The following BTLA variants were observed in gnomAD, a reference collection of about 807,000 sequenced individuals.
BTLA encodes B- and T-lymphocyte attenuator.
A neutral mutation model predicts 25.0 loss-of-function variants in BTLA; 11 were observed. The observed-to-expected ratio is 0.44, with a 90% CI of 0.28 to 0.73. The LOEUF is 0.73. BTLA is among the 30% of genes least tolerant of loss of function. The pLI is 0.15. For synonymous variants in BTLA, 104 were observed against 119.8 expected, an observed-to-expected ratio of 0.87 and a Z score of 0.86; for missense variants, 282 against 332.8, an observed-to-expected ratio of 0.85 and a Z score of 1.19.
chr3:112,499,286 T>C lies in BTLA; in HGVS notation c.73A>G (p.Ile25Val), dbSNP rs746584072. 6.2e-7 allele frequency: 1 copy of C among 1,606,942 alleles called. No individual in the cohort carries two copies. Among genetic ancestry groups the C allele is most frequent in the Non-Finnish European group, 8.5e-7 (1 of 1,173,560 alleles). The change falls in exon 1 of 5, where the codon ATC (isoleucine) becomes GTC (valine). Residue 25 changes from isoleucine to valine, a missense_variant. By Grantham distance (29) the Ile-to-Val change is conservative. Transcript: ENST00000334529. ...WVFFLIPYLD[I>V]WNIHGKESCD... ...GGTGCCTTACCATGGATGTTCCAGA[T>C]GTCCAGATATGGGATTAAGAAGAAG... is the stretch of plus-strand genomic sequence containing the variant.
intron 1 of BTLA, among the ~76,000 whole-genome samples, chr3:112,498,337 G>A (rs896293953): frequency 6.6e-5 from 10 of 151,648 alleles, no homozygotes; most frequent in Admixed American, 1.3e-4. Flanking sequence ...AACCCGGGAG[G>A]AAGAAGAATC....
intron 2 of BTLA, among the ~76,000 whole-genome samples, chr3:112,472,792 C>T (rs777958629): frequency 6.6e-6 from 1 of 151,960 alleles, no homozygotes; most frequent in Non-Finnish European, 1.5e-5. Flanking sequence ...TGAAGTTGCA[C>T]AAAAAGTGGT....
chr3:112,483,900 G>A (rs2082331844), intron 1 of BTLA, among the ~76,000 whole-genome samples: 1 of 151,870 alleles, frequency 6.6e-6, no homozygotes, highest in Non-Finnish European at 1.5e-5. Context: ...CCCAGGAACT[G>A]GAGGTTCCAG....
intron 1 of BTLA, among the ~76,000 whole-genome samples, chr3:112,494,976 A>G (rs80256266): frequency 0.013 from 2,021 of 152,318 alleles, 39 homozygotes; most frequent in African/African-American, 0.046. Context: ...TTGATTCCCA[A>G]TTGTCACCCA....
In BTLA at chr3:112,469,815, A is replaced by G; in HGVS notation, c.548-11T>C. 6.2e-7 allele frequency: 1 copy of G among 1,604,718 alleles called. No homozygotes were observed. Among genetic ancestry groups the G allele is most frequent in the Non-Finnish European group, 8.5e-7 (1 of 1,176,260 alleles). ...GTTCATTTTGCTTTCCTGGAAGACA[A>G]AAAGAAAAAGAAGTAATCAAAAGGA... On this transcript the variant is annotated splice_polypyrimidine_tract_variant and intron_variant, in intron 3 of 4. Coordinates refer to ENST00000334529, the MANE Select transcript of BTLA (RefSeq NM_181780.4).
intron 1 of BTLA, among the ~76,000 whole-genome samples, chr3:112,479,985 G>A (rs1000278714): frequency 6.6e-6 from 1 of 151,602 alleles, no homozygotes; most frequent in Non-Finnish European, 1.5e-5. Context: ...CTGTCTGTCA[G>A]GCCTTTGAGC....
chr3:112,475,473 T>C (rs2082284212), intron 2 of BTLA, among the ~76,000 whole-genome samples: 1 of 152,182 alleles, frequency 6.6e-6, no homozygotes, highest in South Asian at 2.1e-4. Context: ...AATAGATAGA[T>C]TGTTGATCCT....
At chr3:112,472,231 T>C (rs1274723794) in intron 2 of BTLA, among the ~76,000 whole-genome samples, 4 of 152,172 alleles carry the variant, frequency 2.6e-5, no homozygotes, top group Non-Finnish European at 5.9e-5. Context: ...CAAAACATTA[T>C]CCAGACCAAA....
At position 112,469,902 on chromosome 3, in the gene BTLA, A is replaced by G. The variant is rs560584746; in HGVS notation, c.548-98T>C. 1.6e-4 allele frequency: 156 copies of G among 945,488 alleles called. 1 individual carries two copies. The South Asian group carries it at 2.1e-3, about 13-fold the overall frequency. 58.6% of individuals were successfully genotyped at this position (945,488 alleles called of 1,614,324 possible). ...GCTTATCCTGTTGAATGCCAGGGAT[A>G]GTGTTGTTAGTTTTGGCTTGTTAAT... On this transcript the variant is annotated intron_variant, in intron 3 of 4. Transcript: ENST00000334529.
chr3:112,490,571 T>C (rs1392655789), intron 1 of BTLA, among the ~76,000 whole-genome samples: 3 of 151,156 alleles, frequency 2.0e-5, no homozygotes, highest in Non-Finnish European at 4.4e-5. Context: ...GATATTGCTC[T>C]TTAGACAAGA....
At position 112,464,053 on chromosome 3, in the gene BTLA, C is replaced by T. The variant is rs780903388; in HGVS notation, c.*2055G>A. On this transcript the variant is annotated 3_prime_UTR_variant, in exon 5 of 5. Transcript: ENST00000334529. ...TTGTGAAAAACCATTAAATTATCTA[C>T]ATATTCTTTTTCTCAAACCCTCTAT... 4.0e-5 allele frequency: 16 copies of T among 397,240 alleles called. No homozygotes were observed. Among genetic ancestry groups the T allele is most frequent in the Admixed American group, 3.1e-4 (7 of 22,704 alleles). The allele number at this position is 397,240 out of a possible 1,614,324, so 24.6% of individuals were successfully genotyped here. A position where few individuals can be genotyped will look rare whatever the true frequency, so the allele number is the denominator to read the frequency against.
At chr3:112,491,235 T>C (rs78384298) in intron 1 of BTLA, among the ~76,000 whole-genome samples, 10 of 152,284 alleles carry the variant, frequency 6.6e-5, no homozygotes, top group African/African-American at 2.4e-4. Flanking sequence ...ATTTAGGAGA[T>C]CACCTCTAGA....
At chr3:112,482,395 CAGAT>C (rs1229215710) in intron 1 of BTLA, among the ~76,000 whole-genome samples, 1 of 152,228 alleles carries the variant, frequency 6.6e-6, no homozygotes, top group South Asian at 2.1e-4. Context: ...CACAGCTTGT[CAGAT>C]GTTGAACCAA....
rs144502753 is a variant in BTLA, at chr3:112,469,802, T to C, written c.550A>G (p.Lys184Glu). 192 of 1,609,246 alleles carry C rather than the reference T, an allele frequency of 1.2e-4. No individual in the cohort carries two copies. Among genetic ancestry groups the C allele is most frequent in the Middle Eastern group, 5.0e-4 (3 of 6,060 alleles). Reference sequence around the variant, plus strand: ...GCTGTGTCAGAGAGTTCATTTTGCTTTCCTGGAAGACAAAAAGAAAAAGAA... The same window carrying C: ...GCTGTGTCAGAGAGTTCATTTTGCTCTCCTGGAAGACAAAAAGAAAAAGAA... ...LFCCLRRHQG[K>E]QNELSDTAGR... Residue 184 changes from lysine to glutamate, a missense_variant and splice_region_variant, in exon 4 of 5, where the codon AAG becomes GAG. By Grantham distance (56) the Lys-to-Glu change is moderately conservative (BLOSUM62 1). Coordinates refer to ENST00000334529, the MANE Select transcript of BTLA (RefSeq NM_181780.4).
chr3:112,490,803 TA>T (rs1559830134), intron 1 of BTLA, among the ~76,000 whole-genome samples: 2 of 152,112 alleles, frequency 1.3e-5, no homozygotes, highest in African/African-American at 2.4e-5. Flanking sequence ...TATTTCCTCT[TA>T]AAAATCCCCT....
intron 1 of BTLA, among the ~76,000 whole-genome samples, chr3:112,497,738 C>G (rs2082417178): frequency 6.6e-6 from 1 of 151,948 alleles, no homozygotes; most frequent in Admixed American, 6.6e-5. Context: ...GTGTGGCATC[C>G]TGGCATCATA....
At chr3:112,497,744 T>G (rs1468956068) in intron 1 of BTLA, among the ~76,000 whole-genome samples, 1 of 152,158 alleles carries the variant, frequency 6.6e-6, no homozygotes, top group Non-Finnish European at 1.5e-5. Flanking sequence ...CATCCTGGCA[T>G]CATAGAGACA....
At chr3:112,483,708 C>T (rs1559827717) in intron 1 of BTLA, among the ~76,000 whole-genome samples, 1 of 151,956 alleles carries the variant, frequency 6.6e-6, no homozygotes, top group Non-Finnish European at 1.5e-5. Context: ...TGGCTCACGC[C>T]TGTAATCCCA....
chr3:112,484,931 C>A (rs1410184268), intron 1 of BTLA, among the ~76,000 whole-genome samples: 2 of 152,184 alleles, frequency 1.3e-5, no homozygotes, highest in Non-Finnish European at 2.9e-5. Context: ...CAAGAGTACT[C>A]CCTCTGTGCA....
Sources: allele counts gnomAD v4.1 joint callset (sites outside exome capture counted in the v4.1 genomes callset), GRCh38; gene constraint gnomAD v4.1.1; transcripts MANE v1.5; gene names NCBI Gene and HGNC (gene_info 2026-07-23, HGNC 2026-07-21).